Variants in PLXDC1 observed in about 807,000 individuals in gnomAD.
PLXDC1 encodes plexin domain-containing protein 1.
In PLXDC1, 39 loss-of-function variants were observed where a neutral mutation model predicts 61.3. That is an observed-to-expected ratio of 0.64 (90% CI 0.49 to 0.83). The LOEUF is 0.83. PLXDC1 is among the 40% of genes least tolerant of loss of function. PLXDC1 has a pLI of 0.00. For synonymous variants in PLXDC1, 212 were observed against 254.5 expected (o/e 0.83, Z 1.59); for missense variants, 596 against 666.5 (o/e 0.89, Z 1.17).
At chr17:39,087,289 T>C (rs1291622480) in intron 8 of PLXDC1, among the ~76,000 whole-genome samples, 2 of 152,168 alleles carry the variant, frequency 1.3e-5, no homozygotes, top group Admixed American at 6.5e-5. Context: ...TTCTCAGAGG[T>C]ACAGCTTTCC....
At position 39,079,161 on chromosome 17, in the gene PLXDC1, G is replaced by A. The variant is rs1909458160; in HGVS notation, c.993C>T (p.Cys331=). Residue 331 remains cysteine (C), a synonymous_variant, in exon 10 of 14, where the codon TGC becomes TGT. Coordinates refer to ENST00000315392, the MANE Select transcript of PLXDC1 (RefSeq NM_020405.5). Reference sequence around the variant, plus strand: ...GGCGATAGCGGTCAAAGCCACTGGAGCATCTGCAGGAGGACCAAAAGGACA... The same window carrying A: ...GGCGATAGCGGTCAAAGCCACTGGAACATCTGCAGGAGGACCAAAAGGACA... ...NCSWCHVLQR[C]SSGFDRYRQE... 3 of 1,613,252 alleles carry A rather than the reference G, an allele frequency of 1.9e-6. No homozygotes were observed. Among genetic ancestry groups the A allele is most frequent in the African/African-American group, 1.3e-5 (1 of 74,918 alleles).
intron 2 of PLXDC1, among the ~76,000 whole-genome samples, chr17:39,122,519 A>G (rs1486569678): frequency 2.0e-5 from 3 of 152,108 alleles, no homozygotes; most frequent in African/African-American, 7.2e-5. Flanking sequence ...GAGCCGCAAG[A>G]TAGCAGGAAC....
At chr17:39,079,692 G>A (rs1348620220) in intron 9 of PLXDC1, 4 of 384,278 alleles carry the variant, frequency 1.0e-5, no homozygotes, top group Non-Finnish European at 2.1e-5. Flanking sequence ...GCTCAGCTGG[G>A]CTGGAAGACA....
Position 39,107,425 on chromosome 17 carries a change from A to G in PLXDC1, c.693T>C (p.Ile231=), listed in dbSNP as rs1333647410. 1 of 1,611,360 alleles carries G rather than the reference A, an allele frequency of 6.2e-7. No individual in the cohort carries two copies. Among genetic ancestry groups the G allele is most frequent in the East Asian group, 2.2e-5 (1 of 44,862 alleles). The change falls in exon 6 of 14, where the codon ATT becomes ATC. Residue 231 remains isoleucine (I), a synonymous_variant. Transcript: ENST00000315392. ...FQAALHHDGR[I]VFAYKEIPMS... ...CACTCACCTCTTTATAGGCAAAGAC[A>G]ATGCGGCCGTCATGGTGCAGAGCTG...
chr17:39,144,046 C>T (rs1456436183), intron 1 of PLXDC1, among the ~76,000 whole-genome samples: 10 of 152,282 alleles, frequency 6.6e-5, no homozygotes. Flanking sequence ...CTCAGCGGCC[C>T]AGAGAGGAGT....
chr17:39,063,755 GT>G lies in PLXDC1; in HGVS notation c.*4084del. On this transcript the variant is annotated 3_prime_UTR_variant, in exon 14 of 14. Transcript: ENST00000315392. ...GAATTCTACCATTAAGTTCAGGTAGGTTTTTGGAGACAGAGATTGGCCGCAT... is the reference window on the plus strand; with the variant it reads ...GAATTCTACCATTAAGTTCAGGTAGGTTTTGGAGACAGAGATTGGCCGCAT... 2.2e-6 allele frequency: 1 copy of G among 448,434 alleles called. No individual in the cohort carries two copies. The highest frequency in any genetic ancestry group is 4.0e-6 in the Non-Finnish European group (1 of 250,648). 27.8% of individuals were successfully genotyped at this position (448,434 alleles called of 1,614,324 possible).
At chr17:39,120,089 C>A (rs1911111181) in intron 2 of PLXDC1, among the ~76,000 whole-genome samples, 1 of 152,162 alleles carries the variant, frequency 6.6e-6, no homozygotes, top group Admixed American at 6.5e-5. Context: ...ATAAAGAGGA[C>A]CTAAGGCCAT....
chr17:39,132,284 C>T (rs1162549621), intron 2 of PLXDC1, among the ~76,000 whole-genome samples: 2 of 152,140 alleles, frequency 1.3e-5, no homozygotes, highest in Non-Finnish European at 2.9e-5. Context: ...TGTGGCACAT[C>T]CCAGGGTCTC....
At chr17:39,128,105 A>ATATATGTG (rs1555573185) in intron 2 of PLXDC1, among the ~76,000 whole-genome samples, 884 of 81,752 alleles carry the variant, frequency 0.011, 59 homozygotes, top group African/African-American at 0.044. Flanking sequence ...GTGTATATAT[A>ATATATGTG]TATATATATG....
upstream of PLXDC1, chr17:39,152,852 C>T: frequency 2.1e-6 from 1 of 470,754 alleles, no homozygotes; most frequent in East Asian, 3.6e-5. Flanking sequence ...CTTAGAACGC[C>T]GGTTCCTCCT....
At chr17:39,096,114 C>G (rs1910189646) in intron 7 of PLXDC1, among the ~76,000 whole-genome samples, 1 of 152,112 alleles carries the variant, frequency 6.6e-6, no homozygotes, top group Non-Finnish European at 1.5e-5. Context: ...TGGGTGGTTA[C>G]CGTATAAAAA....
At chr17:39,129,734 AAAGAAAGGAAAGAAAAGC>A (rs1597656788) in intron 2 of PLXDC1, among the ~76,000 whole-genome samples, 1 of 147,184 alleles carries the variant, frequency 6.8e-6, no homozygotes, top group African/African-American at 2.5e-5. Context: ...GAAAGAAAAG[AAAGAAAGGAAAGAAAAGC>A]AAGAAAGAAA....
intron 8 of PLXDC1, 138 bp from the exon 9 acceptor site, chr17:39,083,678 T>C: frequency 2.9e-6 from 2 of 696,746 alleles, no homozygotes; most frequent in Non-Finnish European, 5.2e-6. Flanking sequence ...TAATGCCACC[T>C]CCCTTGGTCC....
At chr17:39,083,564 G>T (rs765240587) in intron 8 of PLXDC1, 24 bp from the exon 9 acceptor site, 1 of 1,568,568 alleles carries the variant, frequency 6.4e-7, no homozygotes, top group South Asian at 1.1e-5. Flanking sequence ...GGCAGTGGCC[G>T]CTCAGCACCG....
At chr17:39,081,626 C>CA (rs5820274) in intron 9 of PLXDC1, among the ~76,000 whole-genome samples, 27 of 138,498 alleles carry the variant, frequency 1.9e-4, no homozygotes, top group African/African-American at 5.4e-4. Context: ...GACTCCGTCT[C>CA]AAAAAAAAAA....
At chr17:39,124,243 A>C (rs958856856) in intron 2 of PLXDC1, among the ~76,000 whole-genome samples, 3 of 152,214 alleles carry the variant, frequency 2.0e-5, no homozygotes, top group African/African-American at 7.2e-5. Context: ...CCTGGTCCAG[A>C]AGTACCTTCT....
Position 39,105,957 on chromosome 17 carries a change from C to A in PLXDC1, c.712-4G>T, listed in dbSNP as rs188283324. 2.5e-6 allele frequency: 4 copies of A among 1,608,754 alleles called. No individual in the cohort carries two copies. In the African/African-American group the frequency reaches 5.3e-5, roughly 21 times the overall value. On this transcript the variant is annotated splice_polypyrimidine_tract_variant and splice_region_variant and intron_variant, in intron 6 of 13. Coordinates refer to ENST00000315392, the MANE Select transcript of PLXDC1 (RefSeq NM_020405.5). ...TTTCCGGGACAGACATAGGGATCTG[C>A]GGCAGGGAGAAGAGACTCCGTCCAC...
chr17:39,094,014 G>A (rs1008042999), intron 7 of PLXDC1, among the ~76,000 whole-genome samples: 1 of 152,138 alleles, frequency 6.6e-6, no homozygotes, highest in African/African-American at 2.4e-5. Context: ...ACACACATAT[G>A]CAACCCTTTG....
At chr17:39,105,317 C>T (rs866543357) in intron 7 of PLXDC1, among the ~76,000 whole-genome samples, 2 of 152,128 alleles carry the variant, frequency 1.3e-5, no homozygotes, top group Middle Eastern at 3.2e-3. Flanking sequence ...AGAGCTATGA[C>T]CTCCTAAAAT....
Sources: gnomAD v4.1 joint callset for allele counts (sites outside exome capture counted in the v4.1 genomes callset) on GRCh38, gnomAD v4.1.1 for gene constraint, MANE v1.5 for transcripts, NCBI Gene and HGNC (gene_info 2026-07-23, HGNC 2026-07-21) for gene names.